TREML1: variants seen among roughly 807,000 people sequenced by gnomAD.
The protein encoded by TREML1 is trem-like transcript 1 protein.
TREML1 carries 27 observed loss-of-function variants against 22.8 expected under a neutral mutation model. That is an observed-to-expected ratio of 1.19 (90% CI 0.87 to 1.64). The LOEUF (loss-of-function observed/expected upper bound fraction) is 1.64. Ranked by LOEUF, TREML1 falls within the 40% of genes most tolerant of loss-of-function variation. The pLI, the probability that TREML1 is intolerant of heterozygous loss-of-function variation, is 0.00. For synonymous variants in TREML1, 153 were observed against 161.9 expected (o/e 0.94, Z 0.42); for missense variants, 356 against 382.0 (o/e 0.93, Z 0.57).
intron 2 of TREML1, among the ~76,000 whole-genome samples, chr6:41,152,269 A>T (rs1270333633): frequency 6.6e-6 from 1 of 152,078 alleles, no homozygotes; most frequent in Non-Finnish European, 1.5e-5. Context: ...CGCAAGCCAC[A>T]TCATCTCTGG....
chr6:41,153,112 T>C (rs141919479), intron 2 of TREML1, among the ~76,000 whole-genome samples: 59 of 151,682 alleles, frequency 3.9e-4, no homozygotes, highest in African/African-American at 1.3e-3. Context: ...TAACAAATGC[T>C]TATATACTAG....
Position 41,151,613 on chromosome 6 carries a change from A to G in TREML1, c.377-229T>C, listed in dbSNP as rs547608361. ...TTTATGTCTTTACCTGGTTGTGACT[A>G]CACCCACTTTTCCCTCTACCACCAG... On this transcript the variant is annotated intron_variant, in intron 2 of 5. Transcript: ENST00000426005. The G allele has an allele frequency of 1.1e-5, 6 of 536,966 alleles. No individual in the cohort carries two copies. In the African/African-American group the frequency reaches 1.1e-4, roughly 10 times the overall value. The allele number at this position is 536,966 out of a possible 1,614,324, so 33.3% of individuals were successfully genotyped here.
Position 41,149,536 on chromosome 6 carries a change from G to T in TREML1, c.*68C>A, listed in dbSNP as rs2113864294. 6.6e-7 allele frequency: 1 copy of T among 1,508,998 alleles called. No individual in the cohort carries two copies. Among genetic ancestry groups the T allele is most frequent in the Middle Eastern group, 1.8e-4 (1 of 5,596 alleles). 93.5% of individuals were successfully genotyped at this position (1,508,998 alleles called of 1,614,324 possible). The stretch of plus-strand genomic sequence containing the variant: ...AGATATCCTAAGGATCCTAGGGCAT[G>T]AGCTGGCTGGATGGATGCACAGAAC... On this transcript the variant is annotated 3_prime_UTR_variant, in exon 6 of 6. Transcript: ENST00000426005.
chr6:41,151,029 A>G, intron 3 of TREML1, 122 bp from the exon 4 acceptor site: 1 of 859,376 alleles, frequency 1.2e-6, no homozygotes, highest in Non-Finnish European at 1.9e-6. Flanking sequence ...ATGAAATAGA[A>G]TGAGGGGAGC....
rs1463347215 is a variant in TREML1 at position 41,149,629 on chromosome 6, G to A, written c.911C>T (p.Pro304Leu). ...GTSCGPAQNP[P>L]NNQTPSS ...TTAGCTGGATGGAGTCTGATTGTTA[G>A]GTGGATTCTGGGCTGGCCCACACGA... The change falls in exon 6 of 6, where the codon CCT becomes CTT. Residue 304 changes from proline to leucine, a missense_variant. By Grantham distance (98) the Pro-to-Leu change is moderately conservative. Coordinates refer to ENST00000426005, the MANE Select transcript of TREML1 (RefSeq NM_178174.4). The A allele has an allele frequency of 6.8e-6, 11 of 1,613,146 alleles. No homozygotes were observed. The highest frequency in any genetic ancestry group is 7.6e-6 in the Non-Finnish European group (9 of 1,179,316).
Position 41,149,567 on chromosome 6 carries a change from G to C in TREML1, c.*37C>G, listed in dbSNP as rs747943893. 16 of 1,574,786 alleles carry C rather than the reference G, an allele frequency of 1.0e-5. No homozygotes were observed. Among genetic ancestry groups the C allele is most frequent in the Non-Finnish European group, 1.4e-5 (16 of 1,157,210 alleles). ...GCTGGATGGATGCACAGAACCCCTAGGGATGGTCCTCATGAGTTTAAAGTG... is the reference window on the plus strand; with the variant it reads ...GCTGGATGGATGCACAGAACCCCTACGGATGGTCCTCATGAGTTTAAAGTG... On this transcript the variant is annotated 3_prime_UTR_variant, in exon 6 of 6. Transcript: ENST00000426005.
chr6:41,155,329 C>A (rs1582072992), upstream of TREML1, among the ~76,000 whole-genome samples: 1 of 150,854 alleles, frequency 6.6e-6, no homozygotes, highest in East Asian at 2.0e-4. Flanking sequence ...GATTTGCTCG[C>A]ATTCTTCCTC....
chr6:41,155,375 T>TCTCTCTCTCTCTCTCTCTCTCTCTC (rs1765393079), upstream of TREML1, among the ~76,000 whole-genome samples: 8 of 136,726 alleles, frequency 5.9e-5, no homozygotes, highest in Admixed American at 2.9e-4. Context: ...GAGTAAACGT[T>TCTCTCTCTCTCTCTCTCTCTCTCTC]TCTCTCTCTC....
chr6:41,154,675 C>T (rs185321315), upstream of TREML1, among the ~76,000 whole-genome samples: 319 of 152,320 alleles, frequency 2.1e-3, 8 homozygotes, highest in South Asian at 0.053. Flanking sequence ...GAGTGCCCTG[C>T]ACCTCACTCA....
At chr6:41,150,047 G>T in intron 5 of TREML1, 129 bp from the exon 6 acceptor site, 1 of 1,074,804 alleles carries the variant, frequency 9.3e-7, no homozygotes, top group Non-Finnish European at 1.3e-6. Context: ...GGGCTTCATT[G>T]TGAAGATTTT....
chr6:41,154,161 G>A lies in TREML1; in HGVS notation c.44-71C>T. 1.9e-6 allele frequency: 3 copies of A among 1,587,838 alleles called. No homozygotes were observed. The South Asian group carries it at 3.4e-5, about 18-fold the overall frequency. On this transcript the variant is annotated intron_variant, in intron 1 of 5. Coordinates refer to ENST00000426005, the MANE Select transcript of TREML1 (RefSeq NM_178174.4). Reference sequence around the variant, plus strand: ...ATCTCCCAGCCCAGCTGCTGGTATGGGTGTGGCATTCACAATAACACGTTA... The same window carrying A: ...ATCTCCCAGCCCAGCTGCTGGTATGAGTGTGGCATTCACAATAACACGTTA...
intron 5 of TREML1, 147 bp from the exon 6 acceptor site, chr6:41,150,065 C>T (rs1765205229): frequency 9.7e-7 from 1 of 1,027,998 alleles, no homozygotes; most frequent in African/African-American, 1.6e-5. Context: ...TTTCAAGCCC[C>T]AAGTTTCTCC....
intron 2 of TREML1, among the ~76,000 whole-genome samples, chr6:41,152,715 A>G (rs1765295129): frequency 1.3e-5 from 2 of 152,100 alleles, no homozygotes; most frequent in African/African-American, 4.8e-5. Flanking sequence ...TCTACTAAAA[A>G]TACAAAAATT....
chr6:41,151,390 A>G lies in TREML1; in HGVS notation c.377-6T>C, dbSNP rs1279885368. On this transcript the variant is annotated splice_polypyrimidine_tract_variant and splice_region_variant and intron_variant, in intron 2 of 5. Transcript: ENST00000426005. ...ATGGGTCTCTTCTTCTTCCTCTGTC[A>G]GGCCAGGAATGGAGTCAGAAGGAAA... is the stretch of plus-strand genomic sequence containing the variant. 1.2e-6 allele frequency: 2 copies of G among 1,613,380 alleles called. No homozygotes were observed. Among genetic ancestry groups the G allele is most frequent in the Middle Eastern group, 3.3e-4 (2 of 6,050 alleles).
intron 2 of TREML1, among the ~76,000 whole-genome samples, chr6:41,152,060 A>G (rs748609405): frequency 1.3e-5 from 2 of 152,116 alleles, no homozygotes; most frequent in Non-Finnish European, 2.9e-5. Context: ...CTGGGCCTGG[A>G]GACTTGTCTT....
Position 41,149,918 on chromosome 6 carries a change from T to G in TREML1, c.622A>C (p.Asn208His). Reference sequence around the variant, plus strand: ...ACGTGGTGGACCACTGAGGAGGGATTCTGTAACAAAAGCAGGCAAGTCAGG... The same window carrying G: ...ACGTGGTGGACCACTGAGGAGGGATGCTGTAACAAAAGCAGGCAAGTCAGG... ...RFLSSRVSGM[N>H]PSSVVHHVSD... Residue 208 changes from asparagine to histidine, a missense_variant and splice_region_variant, in exon 6 of 6, where the codon AAT becomes CAT. By Grantham distance (68) the Asn-to-His change is moderately conservative. Coordinates refer to ENST00000426005, the MANE Select transcript of TREML1 (RefSeq NM_178174.4). 6.2e-7 allele frequency: 1 copy of G among 1,610,606 alleles called. No homozygotes were observed. The highest frequency in any genetic ancestry group is 8.5e-7 in the Non-Finnish European group (1 of 1,177,552).
intron 3 of TREML1, 46 bp from the exon 4 acceptor site, chr6:41,150,953 G>A (rs760794258): frequency 3.2e-6 from 5 of 1,542,340 alleles, no homozygotes; most frequent in Non-Finnish European, 4.5e-6. Flanking sequence ...GAAGCCTGTG[G>A]GGAGCTGCTG....
intron 3 of TREML1, 96 bp downstream of exon 3, chr6:41,151,186 T>A (rs1278857207): frequency 9.0e-7 from 1 of 1,112,130 alleles, no homozygotes; most frequent in Non-Finnish European, 1.4e-6. Context: ...GGAAGAATCA[T>A]AGGTTTTCCC....
In TREML1 at chr6:41,149,692, G is replaced by T. The variant is rs771878386; in HGVS notation, c.848C>A (p.Thr283Lys). 1 of 1,614,190 alleles carries T rather than the reference G, an allele frequency of 6.2e-7. No homozygotes were observed. The highest frequency in any genetic ancestry group is 1.6e-4 in the Middle Eastern group (1 of 6,062). The part of the protein sequence containing the change: ...LVCSKPVTYA[T>K]VIFPGGNKGG... ...CTTGTTCCCTCCCGGGAAGATTACT[G>T]TGGCATATGTCACAGGCTTGGAGCA... The change falls in exon 6 of 6, where the codon ACA (threonine) becomes AAA (lysine). Residue 283 changes from threonine (T) to lysine (K), a missense_variant. Coordinates refer to ENST00000426005, the MANE Select transcript of TREML1 (RefSeq NM_178174.4).
Sources: allele counts gnomAD v4.1 joint callset (sites outside exome capture counted in the v4.1 genomes callset), GRCh38; gene constraint gnomAD v4.1.1; transcripts MANE v1.5; gene names NCBI Gene and HGNC (gene_info 2026-07-23, HGNC 2026-07-21).